The following SLC26A5 variants were observed in gnomAD, a reference collection of about 807,000 sequenced individuals.
The protein encoded by SLC26A5 is prestin.
A neutral mutation model predicts 81.0 loss-of-function variants in SLC26A5; 51 were observed. The ratio of observed to expected loss-of-function variants is 0.63; its 90% CI spans 0.50 to 0.80. The LOEUF (loss-of-function observed/expected upper bound fraction) is 0.80, where lower values mean the gene tolerates loss of function less well. SLC26A5 is among the 30% of genes least tolerant of loss of function. The probability of loss-of-function intolerance (pLI) is 0.00; values close to 1 mark genes in which losing one functional copy is unlikely to be tolerated. For synonymous variants in SLC26A5, 325 were observed against 332.8 expected, an observed-to-expected ratio of 0.98 and a Z score of 0.25; for missense variants, 771 against 905.8, an observed-to-expected ratio of 0.85 and a Z score of 1.91.
At chr7:103,371,219 A>C (rs746399144), downstream of SLC26A5, among the ~76,000 whole-genome samples, 3 of 152,260 alleles carry the variant, frequency 2.0e-5, no homozygotes, top group African/African-American at 4.8e-5. Flanking sequence ...TCCCACCTTA[A>C]GACTTGTGCT....
intron 10 of SLC26A5, among the ~76,000 whole-genome samples, chr7:103,392,486 A>G (rs1199252449): frequency 6.6e-6 from 1 of 152,250 alleles, no homozygotes; most frequent in Admixed American, 6.5e-5. Context: ...AGACTGAATA[A>G]GTACATGCTT....
chr7:103,394,269 C>G (rs964649223), intron 9 of SLC26A5, among the ~76,000 whole-genome samples: 2 of 152,226 alleles, frequency 1.3e-5, no homozygotes, highest in African/African-American at 4.8e-5. Context: ...TTTTCCCTCA[C>G]AGCACTCCCA....
intron 4 of SLC26A5, among the ~76,000 whole-genome samples, chr7:103,419,956 G>C (rs1825211979): frequency 6.6e-6 from 1 of 152,092 alleles, no homozygotes; most frequent in African/African-American, 2.4e-5. Flanking sequence ...TTGATTGGAT[G>C]GTTAGTGAGC....
chr7:103,398,182 C>T (rs1823297271), intron 8 of SLC26A5, among the ~76,000 whole-genome samples, 168 bp from the exon 9 acceptor site: 1 of 152,204 alleles, frequency 6.6e-6, no homozygotes, highest in African/African-American at 2.4e-5. Context: ...CTCTTAATGA[C>T]CCTACCCCAC....
At chr7:103,424,373 A>C (rs1825574318) in intron 2 of SLC26A5, among the ~76,000 whole-genome samples, 1 of 152,196 alleles carries the variant, frequency 6.6e-6, no homozygotes, top group African/African-American at 2.4e-5. Flanking sequence ...AGACAATATC[A>C]TACTCTGAAT....
At chr7:103,415,904 A>C (rs1036408903) in intron 4 of SLC26A5, among the ~76,000 whole-genome samples, 1 of 152,064 alleles carries the variant, frequency 6.6e-6, no homozygotes, top group African/African-American at 2.4e-5. Context: ...TTCTTTCTGG[A>C]AGTCCTATTA....
At chr7:103,355,907 G>A in intron 19 of SLC26A5, 1 of 713,218 alleles carries the variant, frequency 1.4e-6, no homozygotes. Flanking sequence ...CAAATTCCAA[G>A]TAAATAAAGC....
chr7:103,359,016 C>T lies in SLC26A5; in HGVS notation c.2042-6090G>A, dbSNP rs1321217700. On this transcript the variant is annotated intron_variant, in intron 19 of 19. Transcript: ENST00000339444. ...TTTTTTTTTTTGAGACAAGGTCTCA[C>T]TTTGTTACCAAGGCTGGAGTGCAGT... 3.3e-5 allele frequency among the ~76,000 whole-genome samples: 5 copies of T among 150,002 alleles called. No homozygotes were observed. The South Asian group carries it at 8.5e-4, about 25-fold the overall frequency.
At position 103,367,330 on chromosome 7, in the gene SLC26A5, T is replaced by G. The variant is rs1820767830; in HGVS notation, c.2041+9478A>C. ...TTGTGCCTGAGGACATGATTTGAGC[T>G]GAGATTTTTGGTACTTTCAGGTCAT... On this transcript the variant is annotated intron_variant, in intron 19 of 19. Coordinates refer to the SLC26A5 transcript ENST00000339444. The surrounding 1 kb of genome is among the most constrained non-coding windows in gnomAD (Gnocchi z 6.1). The G allele has an allele frequency of 2.3e-6, 3 of 1,331,792 alleles. No individual in the cohort carries two copies. Among genetic ancestry groups the G allele is most frequent in the Middle Eastern group, 5.2e-4 (2 of 3,820 alleles). 82.5% of individuals were successfully genotyped at this position (1,331,792 alleles called of 1,614,324 possible). A position where few individuals can be genotyped will look rare whatever the true frequency, so the allele number is the denominator to read the frequency against.
chr7:103,394,056 C>G lies in SLC26A5; in HGVS notation c.972-990G>C, dbSNP rs570979107. 3.3e-5 allele frequency among the ~76,000 whole-genome samples: 5 copies of G among 152,264 alleles called. No individual in the cohort carries two copies. In the South Asian group the frequency reaches 8.3e-4, roughly 25 times the overall value. On this transcript the variant is annotated intron_variant, in intron 9 of 19. Transcript: ENST00000306312. ...GTATAGCAAGGTTCAGCAACTTGTC[C>G]AAGGACAAGCAGCTCATCTACCAAG... is the stretch of plus-strand genomic sequence containing the variant.
chr7:103,445,612 G>C (rs1005985624), intron 1 of SLC26A5: 1 of 152,290 alleles, frequency 6.6e-6, no homozygotes, highest in Non-Finnish European at 1.5e-5. Flanking sequence ...CCACAGCCTT[G>C]CTCCCTGGGA....
intron 2 of SLC26A5, among the ~76,000 whole-genome samples, chr7:103,442,203 G>A (rs1018450148): frequency 2.4e-4 from 36 of 151,954 alleles, no homozygotes; most frequent in African/African-American, 8.0e-4. Context: ...GTATAGTGGC[G>A]CAATCTCGGC....
At chr7:103,380,652 T>C in intron 14 of SLC26A5, 103 bp from the exon 15 acceptor site, 1 of 987,512 alleles carries the variant, frequency 1.0e-6, no homozygotes, top group South Asian at 1.3e-5. Flanking sequence ...CTGGTGCATT[T>C]GGGAATGCTT....
At chr7:103,375,891 G>A (rs76346151) in intron 19 of SLC26A5, among the ~76,000 whole-genome samples, 14,608 of 151,962 alleles carry the variant, frequency 0.096, 808 homozygotes, top group South Asian at 0.19. Flanking sequence ...GAGTAGCTGG[G>A]ACTAAAGTCA....
intron 6 of SLC26A5, 120 bp from the exon 7 acceptor site, chr7:103,410,669 T>G: frequency 1.1e-6 from 1 of 932,394 alleles, no homozygotes; most frequent in South Asian, 1.5e-5. Context: ...GATGGAGTCT[T>G]GCTCTGTCAC....
chr7:103,409,001 A>G (rs1824275641), intron 7 of SLC26A5, among the ~76,000 whole-genome samples: 1 of 152,212 alleles, frequency 6.6e-6, no homozygotes, highest in Admixed American at 6.5e-5. Flanking sequence ...GAAACTAAGA[A>G]TTTTGTTATT....
intron 19 of SLC26A5, among the ~76,000 whole-genome samples, chr7:103,365,863 G>A (rs1047040220): frequency 6.6e-6 from 1 of 152,158 alleles, no homozygotes; most frequent in Non-Finnish European, 1.5e-5. Context: ...AGGCGGCAGA[G>A]GTTGCAGTGA....
At chr7:103,430,471 CA>C (rs1384034731) in intron 2 of SLC26A5, among the ~76,000 whole-genome samples, 1 of 151,860 alleles carries the variant, frequency 6.6e-6, no homozygotes, top group Non-Finnish European at 1.5e-5. Flanking sequence ...GCTGGGAGTA[CA>C]GGCTATGGAA....
At chr7:103,374,671 A>T in intron 19 of SLC26A5, 79 bp from the exon 20 acceptor site, 2 of 1,262,278 alleles carry the variant, frequency 1.6e-6, no homozygotes, top group Non-Finnish European at 2.2e-6. Flanking sequence ...ACACTTCCAT[A>T]TAGTGTTTTT....
Sources: gnomAD v4.1 joint callset for allele counts (sites outside exome capture counted in the v4.1 genomes callset) on GRCh38, gnomAD v4.1.1 for gene constraint, Gnocchi (gnomAD v3.1) non-coding constraint, MANE v1.5 for transcripts, NCBI Gene and HGNC (gene_info 2026-07-23, HGNC 2026-07-21) for gene names.